The following RGPD4 variants were observed in gnomAD, a reference collection of about 807,000 sequenced individuals.
RGPD4 encodes RANBP2 like and GRIP domain containing 4.
A neutral mutation model predicts 141.1 loss-of-function variants in RGPD4; 84 were observed. The observed-to-expected ratio is 0.60, with a 90% confidence interval of 0.50 to 0.71. The LOEUF (loss-of-function observed/expected upper bound fraction) is 0.71, where lower values mean the gene tolerates loss of function less well. RGPD4 is among the 30% of genes least tolerant of loss of function. The pLI, the probability that RGPD4 is intolerant of heterozygous loss-of-function variation, is 0.00. For synonymous variants in RGPD4, 298 were observed against 566.8 expected (o/e 0.53, Z 6.74); for missense variants, 918 against 1,622.4 (o/e 0.57, Z 7.46).
intron 22 of RGPD4, among the ~76,000 whole-genome samples, chr2:107,885,634 T>C (rs1385543561): frequency 1.3e-5 from 2 of 152,148 alleles, no homozygotes; most frequent in Non-Finnish European, 2.9e-5. Context: ...TTAAATTAGT[T>C]TGCCCTTTAA....
chr2:107,874,250 T>TAGAAAA (rs1231120500), intron 20 of RGPD4, among the ~76,000 whole-genome samples: 1 of 151,422 alleles, frequency 6.6e-6, no homozygotes, highest in East Asian at 1.9e-4. Context: ...AGGGCTGTTC[T>TAGAAAA]TTTGTGCATG....
At chr2:107,858,898 CACT>C in intron 9 of RGPD4, among the ~76,000 whole-genome samples, 1 of 55,598 alleles carries the variant, frequency 1.8e-5, no homozygotes, top group Non-Finnish European at 3.6e-5. Context: ...CATTCTTCAT[CACT>C]ACTATTTTTA....
chr2:107,858,446 T>C, intron 9 of RGPD4, among the ~76,000 whole-genome samples: 1 of 151,486 alleles, frequency 6.6e-6, no homozygotes, highest in Non-Finnish European at 1.5e-5. Context: ...TTCTTTTCTT[T>C]TCTTTTTTTT....
intron 7 of RGPD4, among the ~76,000 whole-genome samples, chr2:107,853,782 C>A: frequency 1.4e-5 from 1 of 71,856 alleles, no homozygotes. Context: ...GGGTCTCACT[C>A]TGTCGCCCAA....
At chr2:107,853,983 A>T (rs1682206811) in intron 7 of RGPD4, among the ~76,000 whole-genome samples, 1 of 144,200 alleles carries the variant, frequency 6.9e-6, no homozygotes, top group East Asian at 2.0e-4. Flanking sequence ...CTCTGGGCTC[A>T]AGTGATCCCC....
chr2:107,847,896 T>G (rs1238759004), intron 6 of RGPD4, among the ~76,000 whole-genome samples: 3 of 123,892 alleles, frequency 2.4e-5, no homozygotes, highest in South Asian at 6.1e-4. Flanking sequence ...GAGCAATTAC[T>G]GTATTGATAC....
At position 107,871,691 on chromosome 2, in the gene RGPD4, C is replaced by T. The variant is rs776944798; in HGVS notation, c.3687C>T (p.Ala1229=). The change falls in exon 20 of 23, where the codon GCC becomes GCT. Residue 1229 remains alanine (A), a synonymous_variant. Coordinates refer to ENST00000408999, the MANE Select transcript of RGPD4 (RefSeq NM_182588.3). ...ATAAGGGTTCAGGTACAGGTGCGGC[C>T]GGTGCCTCAGACACAACAATAAAAC... ...EENKGSGTGA[A]GASDTTIKPN... is the part of the protein sequence containing the mutation. The T allele has an allele frequency of 3.6e-5, 58 of 1,609,564 alleles. 1 individual carries two copies. In the East Asian group the frequency reaches 4.2e-4, roughly 12 times the overall value.
intron 20 of RGPD4, among the ~76,000 whole-genome samples, chr2:107,874,569 C>T (rs13427545): frequency 0.27 from 40,286 of 146,850 alleles, 5,730 homozygotes; most frequent in Middle Eastern, 0.33. Context: ...TTTAAAGATA[C>T]GGTCTTTGAG....
intron 9 of RGPD4, among the ~76,000 whole-genome samples, chr2:107,857,375 G>A (rs946080421): frequency 6.6e-6 from 1 of 150,650 alleles, no homozygotes; most frequent in African/African-American, 2.5e-5. Flanking sequence ...CTGACCTCAG[G>A]TGATCCACCT....
chr2:107,883,305 G>T, intron 22 of RGPD4: 1 of 351,220 alleles, frequency 2.8e-6, no homozygotes. Flanking sequence ...TCTATATACA[G>T]CAGTCCACTT....
Position 107,872,717 on chromosome 2 carries a change from A to G in RGPD4, c.4713A>G (p.Gly1571=). ...GTTCTGCCACTGGGTCTTTGTTTGG[A>G]TTTAGTTTTAATGCATCTTTGAAAA... ...GNSSATGSLF[G]FSFNASLKSN... is the part of the protein sequence containing the mutation. Residue 1571 remains glycine (G), a synonymous_variant, in exon 20 of 23, where the codon GGA becomes GGG. Coordinates refer to ENST00000408999, the MANE Select transcript of RGPD4 (RefSeq NM_182588.3). 6.2e-7 allele frequency: 1 copy of G among 1,611,588 alleles called. No individual in the cohort carries two copies. The highest frequency in any genetic ancestry group is 8.5e-7 in the Non-Finnish European group (1 of 1,179,860).
intron 22 of RGPD4, among the ~76,000 whole-genome samples, chr2:107,886,721 G>A (rs1328476472): frequency 1.3e-5 from 2 of 152,012 alleles, no homozygotes; most frequent in Non-Finnish European, 2.9e-5. Context: ...CTGCATACAT[G>A]AGGGATGCTA....
Position 107,859,706 on chromosome 2 carries a change from T to C in RGPD4, c.1635-16T>C. On this transcript the variant is annotated splice_polypyrimidine_tract_variant and intron_variant, in intron 11 of 22. Coordinates refer to ENST00000408999, the MANE Select transcript of RGPD4 (RefSeq NM_182588.3). ...GTATTTAGAAAGCAATTTTAGTAAA[T>C]TGAACTATTTTTTAGACCTGGAAAC... 3 of 1,611,378 alleles carry C rather than the reference T, an allele frequency of 1.9e-6. No individual in the cohort carries two copies. The highest frequency in any genetic ancestry group is 8.5e-7 in the Non-Finnish European group (1 of 1,179,838).
chr2:107,889,783 C>T (rs1282799922), intron 22 of RGPD4, among the ~76,000 whole-genome samples: 1 of 146,586 alleles, frequency 6.8e-6, no homozygotes, highest in African/African-American at 2.5e-5. Context: ...ATGATTAAAA[C>T]TTTGGTTTTT....
chr2:107,859,579 C>T, intron 11 of RGPD4, 25 bp downstream of exon 11: 1 of 1,611,534 alleles, frequency 6.2e-7, no homozygotes, highest in Non-Finnish European at 8.5e-7. Flanking sequence ...AAAAATATTG[C>T]TTTCACTTAG....
At chr2:107,827,124 C>A in intron 1 of RGPD4, 39 bp downstream of exon 1, 7 of 1,559,860 alleles carry the variant, frequency 4.5e-6, no homozygotes, top group Non-Finnish European at 5.2e-6. Context: ...CTCGACCTGG[C>A]CGGGCGGCGG....
In RGPD4 at chr2:107,882,785, T is replaced by C. The variant is rs1465163406; in HGVS notation, c.5178T>C (p.Gly1726=). 6.2e-7 allele frequency: 1 copy of C among 1,611,154 alleles called. No homozygotes were observed. The highest frequency in any genetic ancestry group is 1.3e-5 in the African/African-American group (1 of 74,278). ...TGCAGTTCATTTTCTTGAAGCCAGG[T>C]AGTGAAAGAGAGAGACTTCTTCCTG... is the stretch of plus-strand genomic sequence containing the variant. ...VLLQFIFLKP[G]SERERLLPVI... The change falls in exon 22 of 23, where the codon GGT becomes GGC. Residue 1726 remains glycine (G), a synonymous_variant. Transcript: ENST00000408999.
At chr2:107,834,050 T>C (rs1681588994) in intron 1 of RGPD4, among the ~76,000 whole-genome samples, 1 of 151,120 alleles carries the variant, frequency 6.6e-6, no homozygotes, top group African/African-American at 2.4e-5. Context: ...TTCCTATACG[T>C]GCTGTCCTGA....
intron 9 of RGPD4, 139 bp from the exon 10 acceptor site, chr2:107,858,975 A>G: frequency 9.0e-6 from 2 of 222,072 alleles, no homozygotes; most frequent in South Asian, 3.3e-5. Context: ...TTTGCCTAAC[A>G]TAGAATTCCC....
Sources: gnomAD v4.1 joint callset for allele counts (sites outside exome capture counted in the v4.1 genomes callset) on GRCh38, gnomAD v4.1.1 for gene constraint, MANE v1.5 for transcripts, NCBI Gene and HGNC (gene_info 2026-07-23, HGNC 2026-07-21) for gene names.